Variants in VIL1 observed in about 807,000 individuals in gnomAD.
VIL1 encodes the protein villin 1.
VIL1 carries 86 observed loss-of-function variants against 104.0 expected under a neutral mutation model. The ratio of observed to expected loss-of-function variants is 0.83; its 90% CI spans 0.69 to 0.99. The LOEUF is 0.99. Among genes scored for constraint, VIL1 ranks in the 50% least tolerant of loss-of-function variants. VIL1 has a pLI of 0.00. For missense variants in VIL1, 944 were observed against 1,054.1 expected, an observed-to-expected ratio of 0.90 and a Z score of 1.45; for synonymous variants, 394 against 412.6, an observed-to-expected ratio of 0.95 and a Z score of 0.55.
intron 18 of VIL1, among the ~76,000 whole-genome samples, chr2:218,439,396 G>A (rs1346815151): frequency 6.6e-6 from 1 of 152,068 alleles, no homozygotes; most frequent in Admixed American, 6.6e-5. Context: ...ATTTTAAAAA[G>A]GTAATTTCAT....
In VIL1 at chr2:218,449,668, C is replaced by G; in HGVS notation, c.*332C>G. On this transcript the variant is annotated 3_prime_UTR_variant, in exon 20 of 20. Coordinates refer to ENST00000248444, the MANE Select transcript of VIL1 (RefSeq NM_007127.3). The stretch of plus-strand genomic sequence containing the variant: ...AACATTAGAGTTCTGAGGCACTACC[C>G]TAGCTTGTCCTCTATCATGACTCAT... 1 of 203,652 alleles carries G rather than the reference C, an allele frequency of 4.9e-6. No individual in the cohort carries two copies. The highest frequency in any genetic ancestry group is 1.0e-5 in the Non-Finnish European group (1 of 96,802). 12.6% of individuals were successfully genotyped at this position (203,652 alleles called of 1,614,324 possible). A position where few individuals can be genotyped will look rare whatever the true frequency, so the allele number is the denominator to read the frequency against.
chr2:218,436,619 G>T lies in VIL1; in HGVS notation c.1964G>T (p.Trp655Leu), dbSNP rs1301958624. 1.2e-6 allele frequency: 2 copies of T among 1,613,858 alleles called. No homozygotes were observed. Among genetic ancestry groups the T allele is most frequent in the East Asian group, 2.2e-5 (1 of 44,896 alleles). The change falls in exon 16 of 20, where the codon TGG becomes TTG. Residue 655 changes from tryptophan to leucine, a missense_variant. Transcript: ENST00000248444. Reference sequence around the variant, plus strand: ...GATGATGTGTTCCTACTAGATGTCTGGGACCAGGTAGGACCAAGGGCCTGG... The same window carrying T: ...GATGATGTGTTCCTACTAGATGTCTTGGACCAGGTAGGACCAAGGGCCTGG... ...EEDDVFLLDV[W>L]DQVFFWIGKH...
chr2:218,442,336 C>T (rs1421621618), intron 19 of VIL1, among the ~76,000 whole-genome samples: 1 of 152,136 alleles, frequency 6.6e-6, no homozygotes, highest in Non-Finnish European at 1.5e-5. Context: ...GCAAGCAATT[C>T]AGAGGAACAC....
At chr2:218,445,260 T>C (rs1188357131) in intron 19 of VIL1, among the ~76,000 whole-genome samples, 2 of 151,850 alleles carry the variant, frequency 1.3e-5, no homozygotes, top group African/African-American at 4.8e-5. Flanking sequence ...ATTAGCCCGG[T>C]GTGGTGGCGT....
intron 13 of VIL1, 118 bp downstream of exon 13, chr2:218,433,069 G>A (rs1689127278): frequency 1.6e-6 from 2 of 1,265,012 alleles, no homozygotes; most frequent in South Asian, 2.7e-5. Flanking sequence ...ATTCTTCATA[G>A]GAGACTACCC....
chr2:218,444,125 C>A (rs1355131216), intron 19 of VIL1, among the ~76,000 whole-genome samples: 2 of 151,918 alleles, frequency 1.3e-5, no homozygotes. Flanking sequence ...GCCACCATAC[C>A]CGGCTAATTT....
In VIL1 at chr2:218,453,002, C is replaced by T. The variant is rs1347247357; in HGVS notation, c.*3666C>T. 6.6e-6 allele frequency: 1 copy of T among 152,056 alleles called. No homozygotes were observed. The highest frequency in any genetic ancestry group is 1.5e-5 in the Non-Finnish European group (1 of 68,042). 9.4% of individuals were successfully genotyped at this position (152,056 alleles called of 1,614,324 possible). A position where few individuals can be genotyped will look rare whatever the true frequency, so the allele number is the denominator to read the frequency against. ...AAATATTTTCCTCTGCTCTAAACTA[C>T]TCTGGCGTTTTCTACCACTCTACCA... On this transcript the variant is annotated 3_prime_UTR_variant, in exon 20 of 20. Transcript: ENST00000248444.
chr2:218,435,834 G>GGTTTT (rs1300769236), intron 15 of VIL1, among the ~76,000 whole-genome samples: 30 of 152,098 alleles, frequency 2.0e-4, no homozygotes, highest in Admixed American at 2.0e-3. Flanking sequence ...TCTTTCAAAT[G>GGTTTT]GTTTTGTTTT....
intron 2 of VIL1, 29 bp downstream of exon 2, chr2:218,423,882 C>G (rs1433438985): frequency 1.2e-6 from 2 of 1,613,396 alleles, no homozygotes; most frequent in African/African-American, 1.3e-5. Context: ...ATGGGGGCTG[C>G]TCAGGCCTGG....
At chr2:218,432,207 C>A in intron 12 of VIL1, 24 bp downstream of exon 12, 1 of 1,606,312 alleles carries the variant, frequency 6.2e-7, no homozygotes, top group South Asian at 1.1e-5. Context: ...ACGTCCCACC[C>A]AGAGCACAGC....
chr2:218,423,737 G>A, intron 1 of VIL1, 31 bp from the exon 2 acceptor site: 2 of 1,610,668 alleles, frequency 1.2e-6, no homozygotes, highest in Non-Finnish European at 1.7e-6. Context: ...CGAACTCAGG[G>A]TGCCCCTGCT....
intron 10 of VIL1, chr2:218,431,116 A>G (rs915468335): frequency 8.5e-6 from 5 of 587,028 alleles, no homozygotes; most frequent in African/African-American, 5.7e-5. Context: ...TGGGAGGCTG[A>G]GGCGGGTGGA....
intron 19 of VIL1, among the ~76,000 whole-genome samples, chr2:218,443,628 G>T (rs1689319364): frequency 6.6e-6 from 1 of 152,048 alleles, no homozygotes; most frequent in South Asian, 2.1e-4. Flanking sequence ...AGTCAAAGAA[G>T]GCTTAGATTC....
At chr2:218,432,755 T>C in intron 12 of VIL1, 38 bp from the exon 13 acceptor site, 1 of 1,611,896 alleles carries the variant, frequency 6.2e-7, no homozygotes, top group Non-Finnish European at 8.5e-7. Context: ...AATTGGGGGC[T>C]GACCCAATCC....
chr2:218,432,016 G>T (rs1489224021), intron 11 of VIL1, 30 bp from the exon 12 acceptor site: 3 of 1,614,030 alleles, frequency 1.9e-6, no homozygotes, highest in Non-Finnish European at 8.5e-7. Flanking sequence ...GCCTGTCCTG[G>T]ACCTCACCCT....
chr2:218,437,104 TC>T lies in VIL1; in HGVS notation c.1972-16del, dbSNP rs1170321833. The T allele has an allele frequency of 1.2e-6, 2 of 1,609,342 alleles. No homozygotes were observed. Among genetic ancestry groups the T allele is most frequent in the Non-Finnish European group, 1.7e-6 (2 of 1,176,282 alleles). On this transcript the variant is annotated intron_variant, in intron 16 of 19. Transcript: ENST00000248444. ...AGGGAGGACAGGAAGGATGGACTGATCCCCTGGGTTTCTCAATAGGTCTTCT... is the reference window on the plus strand; with the variant it reads ...AGGGAGGACAGGAAGGATGGACTGATCCCTGGGTTTCTCAATAGGTCTTCT...
rs954741248 is a variant in VIL1 at position 218,433,914 on chromosome 2, A to C, written c.1501-612A>C. On this transcript the variant is annotated intron_variant, in intron 13 of 19. Coordinates refer to ENST00000248444, the MANE Select transcript of VIL1 (RefSeq NM_007127.3). ...CTCCGTCTCAAGGAAAAAAAAAAAA[A>C]GGCTAGGCGCTGTGGCTCACAACTG... 5.5e-5 allele frequency among the ~76,000 whole-genome samples: 8 copies of C among 146,590 alleles called. No homozygotes were observed. The South Asian group carries it at 1.3e-3, about 24-fold the overall frequency.
At chr2:218,419,556 C>T (rs184800620) in intron 1 of VIL1, among the ~76,000 whole-genome samples, 6 of 152,296 alleles carry the variant, frequency 3.9e-5, no homozygotes, top group Admixed American at 1.3e-4. Flanking sequence ...TCTCTTTGCC[C>T]GTGCGTTCTT....
chr2:218,425,492 A>C, intron 3 of VIL1, 123 bp from the exon 4 acceptor site: 868 of 775,146 alleles, frequency 1.1e-3, no homozygotes, highest in Non-Finnish European at 1.6e-3. Context: ...CCGCCAGCCT[A>C]GTGCACTTGC....
Sources: gnomAD v4.1 joint callset for allele counts (sites outside exome capture counted in the v4.1 genomes callset) on GRCh38, gnomAD v4.1.1 for gene constraint, MANE v1.5 for transcripts, NCBI Gene and HGNC (gene_info 2026-07-23, HGNC 2026-07-21) for gene names.